DOCK10: variants seen among roughly 807,000 people sequenced by gnomAD.
DOCK10 encodes the protein dedicator of cytokinesis protein 10.
A neutral mutation model predicts 280.1 loss-of-function variants in DOCK10; 145 were observed. The observed-to-expected ratio is 0.52, with a 90% CI of 0.45 to 0.59. DOCK10 has a LOEUF of 0.59. Ranked by LOEUF, DOCK10 falls within the 20% of genes least tolerant of loss-of-function variation. DOCK10 has a pLI of 0.00. For synonymous variants in DOCK10, 915 were observed against 942.2 expected, an observed-to-expected ratio of 0.97 and a Z score of 0.53; for missense variants, 2,368 against 2,651.7, an observed-to-expected ratio of 0.89 and a Z score of 2.35.
chr2:224,783,336 A>G (rs955763340), intron 50 of DOCK10, among the ~76,000 whole-genome samples: 1 of 149,786 alleles, frequency 6.7e-6, no homozygotes, highest in Non-Finnish European at 1.5e-5. Flanking sequence ...GTGCAGTGGC[A>G]CGATCTTGGC....
chr2:224,952,228 C>T (rs533318977), intron 1 of DOCK10, among the ~76,000 whole-genome samples: 64 of 152,340 alleles, frequency 4.2e-4, no homozygotes, highest in African/African-American at 1.4e-3. Flanking sequence ...ATACAGTCTA[C>T]TACGTCTTAT....
chr2:224,999,114 G>A (rs900074793), intron 1 of DOCK10, among the ~76,000 whole-genome samples: 1 of 152,140 alleles, frequency 6.6e-6, no homozygotes, highest in African/African-American at 2.4e-5. Flanking sequence ...TTGAACCTAG[G>A]GGGCAGAGGT....
At chr2:224,795,719 A>C (rs1449531663) in intron 44 of DOCK10, among the ~76,000 whole-genome samples, 1 of 152,180 alleles carries the variant, frequency 6.6e-6, no homozygotes, top group Non-Finnish European at 1.5e-5. Context: ...GGGTCTGAAA[A>C]TTATTTTAAT....
chr2:224,883,815 T>A (rs10206184), intron 7 of DOCK10, among the ~76,000 whole-genome samples: 36,467 of 152,168 alleles, frequency 0.24, 6,076 homozygotes, highest in African/African-American at 0.48. Context: ...GTTCTATGAT[T>A]CTTTGAAGAA....
At chr2:225,041,582 C>G (rs1690424440) in intron 1 of DOCK10, among the ~76,000 whole-genome samples, 1 of 152,176 alleles carries the variant, frequency 6.6e-6, no homozygotes, top group African/African-American at 2.4e-5. Flanking sequence ...GGGAGAACCC[C>G]GCGAAACATC....
intron 42 of DOCK10, among the ~76,000 whole-genome samples, 152 bp downstream of exon 42, chr2:224,797,680 G>A (rs1365112976): frequency 1.3e-5 from 2 of 152,178 alleles, no homozygotes; most frequent in East Asian, 1.9e-4. Context: ...CACTCATTTT[G>A]AGACCAGGAA....
chr2:224,769,453 T>A (rs1382337723), intron 55 of DOCK10, among the ~76,000 whole-genome samples: 1 of 152,228 alleles, frequency 6.6e-6, no homozygotes, highest in East Asian at 1.9e-4. Flanking sequence ...CTAATTCAAG[T>A]TCTGCTCCTC....
intron 14 of DOCK10, chr2:224,861,585 G>A (rs1165707766): frequency 6.6e-6 from 1 of 152,144 alleles, no homozygotes; most frequent in African/African-American, 2.4e-5. Flanking sequence ...TCAAAATTAT[G>A]ACAAATATTG....
intron 2 of DOCK10, among the ~76,000 whole-genome samples, chr2:224,931,293 C>T (rs961082761): frequency 2.0e-5 from 3 of 152,320 alleles, no homozygotes; most frequent in South Asian, 4.1e-4. Flanking sequence ...GGCAGGCACA[C>T]GAGTGCCAGC....
intron 25 of DOCK10, among the ~76,000 whole-genome samples, chr2:224,835,827 C>A (rs186113417): frequency 1.1e-3 from 160 of 152,338 alleles, no homozygotes; most frequent in Non-Finnish European, 1.7e-3. Context: ...TAAAATTCCA[C>A]ATAGGTGTAT....
intron 2 of DOCK10, among the ~76,000 whole-genome samples, chr2:224,929,776 C>A (rs1185260091): frequency 6.6e-6 from 1 of 152,152 alleles, no homozygotes; most frequent in East Asian, 1.9e-4. Context: ...CTTTACAGCC[C>A]ATCTACCTGC....
chr2:224,830,939 T>TATTTATTTATTTATTC (rs1559509241), intron 26 of DOCK10, among the ~76,000 whole-genome samples: 2 of 151,872 alleles, frequency 1.3e-5, no homozygotes, highest in African/African-American at 4.8e-5. Context: ...TTTATTTATT[T>TATTTATTTATTTATTC]ATTTATTTAT....
chr2:224,975,509 T>C (rs1705384214), intron 1 of DOCK10, among the ~76,000 whole-genome samples: 1 of 152,234 alleles, frequency 6.6e-6, no homozygotes, highest in Admixed American at 6.5e-5. Context: ...AATTGTTTCT[T>C]CTTCATACAT....
intron 2 of DOCK10, among the ~76,000 whole-genome samples, chr2:224,923,167 G>A (rs533209863): frequency 6.6e-6 from 1 of 152,248 alleles, no homozygotes; most frequent in African/African-American, 2.4e-5. Flanking sequence ...TTTTGCTGGG[G>A]TTGAACTGTA....
At chr2:224,871,115 C>A (rs976515231) in intron 11 of DOCK10, among the ~76,000 whole-genome samples, 1 of 152,114 alleles carries the variant, frequency 6.6e-6, no homozygotes, top group African/African-American at 2.4e-5. Context: ...GTGTGAGCCA[C>A]CGTGCCTGGC....
intron 26 of DOCK10, among the ~76,000 whole-genome samples, chr2:224,830,920 T>TTTTATTTATTTATTTATTTATTTATTTA (rs61701805): frequency 7.7e-4 from 115 of 148,618 alleles, no homozygotes; most frequent in African/African-American, 1.7e-3. Context: ...CTAAACAAAC[T>TTTTATTTATTTATTTATTTATTTATTTA]TTTATTTATT....
chr2:224,991,814 G>A (rs768974954), intron 1 of DOCK10, among the ~76,000 whole-genome samples: 8 of 152,174 alleles, frequency 5.3e-5, no homozygotes, highest in Admixed American at 2.0e-4. Flanking sequence ...ATCCCCGTTC[G>A]GGGCGGTAAA....
At chr2:224,939,139 C>G (rs565000320) in intron 1 of DOCK10, among the ~76,000 whole-genome samples, 1 of 152,280 alleles carries the variant, frequency 6.6e-6, no homozygotes, top group East Asian at 1.9e-4. Flanking sequence ...TGTCTTAGTC[C>G]ATTTCAGTGA....
rs750535522 is a variant in DOCK10 at position 224,874,047 on chromosome 2, G to A, written c.1206C>T (p.Asn402=). 10 of 1,613,624 alleles carry A rather than the reference G, an allele frequency of 6.2e-6. No homozygotes were observed. In the East Asian group the frequency reaches 1.8e-4, roughly 29 times the overall value. ...CCGTAACACATCCCTGAAGATTTGA[G>A]TTGAGGGCTTTACAGATGATCATGA... is the stretch of plus-strand genomic sequence containing the variant. ...KRIMIICKAL[N]SNLQGCVTEN... Residue 402 remains asparagine (N), a synonymous_variant, in exon 11 of 56, where the codon AAC becomes AAT. Coordinates refer to ENST00000258390, the MANE Select transcript of DOCK10 (RefSeq NM_014689.3).
Sources: allele counts gnomAD v4.1 joint callset (sites outside exome capture counted in the v4.1 genomes callset), GRCh38; gene constraint gnomAD v4.1.1; transcripts MANE v1.5; gene names NCBI Gene and HGNC (gene_info 2026-07-23, HGNC 2026-07-21).